LGALS12: variants seen among roughly 807,000 people sequenced by gnomAD.
LGALS12 encodes galectin-12.
A neutral mutation model predicts 36.8 loss-of-function variants in LGALS12; 36 were observed. That is an observed-to-expected ratio of 0.98 (90% CI 0.75 to 1.29). LGALS12 has a LOEUF of 1.29. Ranked by LOEUF, LGALS12 falls within the 50% of genes most tolerant of loss-of-function variation. The pLI is 0.00. For missense variants in LGALS12, 366 were observed against 394.3 expected (o/e 0.93, Z 0.61); for synonymous variants, 145 against 155.9 (o/e 0.93, Z 0.52).
At chr11:63,508,714 T>A in intron 2 of LGALS12, 64 bp from the exon 3 acceptor site, 1 of 1,613,606 alleles carries the variant, frequency 6.2e-7, no homozygotes, top group Non-Finnish European at 8.5e-7. Context: ...GGCTCCTCCC[T>A]GCCACTGAGA....
chr11:63,508,622 G>A lies in LGALS12; in HGVS notation c.139G>A (p.Val47Ile), dbSNP rs2016815761. The A allele has an allele frequency of 3.7e-6, 6 of 1,614,130 alleles. No individual in the cohort carries two copies. Among genetic ancestry groups the A allele is most frequent in the Non-Finnish European group, 1.7e-6 (2 of 1,180,028 alleles). Residue 47 changes from valine (V) to isoleucine (I), a missense_variant, in exon 2 of 9, where the codon GTC becomes ATC. By Grantham distance (29) the Val-to-Ile change is conservative. Transcript: ENST00000394618. ...AGKMVMLQGV[V>I]PLDAHRFQVD... Reference sequence around the variant, plus strand: ...CAAGATGGTCATGCTGCAAGGAGTGGTCCCTCTAGATGCACACAGGTAAGG... The same window carrying A: ...CAAGATGGTCATGCTGCAAGGAGTGATCCCTCTAGATGCACACAGGTAAGG...
intron 1 of LGALS12, among the ~76,000 whole-genome samples, chr11:63,506,796 G>A (rs2016755497): frequency 6.6e-6 from 1 of 152,160 alleles, no homozygotes; most frequent in African/African-American, 2.4e-5. Flanking sequence ...CTACTGTAAT[G>A]GATGCTAGGA....
intron 3 of LGALS12, 32 bp from the exon 4 acceptor site, chr11:63,509,746 G>A (rs772627920): frequency 6.2e-7 from 1 of 1,611,490 alleles, no homozygotes; most frequent in South Asian, 1.1e-5. Flanking sequence ...AACATTAGCT[G>A]CTGATAAGCC....
At chr11:63,514,314 G>T (rs1019232056) in intron 7 of LGALS12, among the ~76,000 whole-genome samples, 1 of 152,208 alleles carries the variant, frequency 6.6e-6, no homozygotes, top group African/African-American at 2.4e-5. Context: ...GCTCAAGCCT[G>T]TAATCCCAGC....
In LGALS12 at chr11:63,510,516, A is replaced by C; in HGVS notation, c.531+15A>C. 6.2e-7 allele frequency: 1 copy of C among 1,613,680 alleles called. No individual in the cohort carries two copies. Among genetic ancestry groups the C allele is most frequent in the Non-Finnish European group, 8.5e-7 (1 of 1,179,698 alleles). ...CAGCTGGACATGTGAGTTTCTTGGCAGCAAGGTCTGAGCAGCCACACCAGC... is the reference window on the plus strand; with the variant it reads ...CAGCTGGACATGTGAGTTTCTTGGCCGCAAGGTCTGAGCAGCCACACCAGC... On this transcript the variant is annotated intron_variant, in intron 5 of 8. Transcript: ENST00000394618.
chr11:63,506,593 A>G, intron 1 of LGALS12, 66 bp downstream of exon 1: 1 of 1,595,854 alleles, frequency 6.3e-7, no homozygotes, highest in South Asian at 1.1e-5. Context: ...CTGGGCCCAC[A>G]CTCCTGGGTG....
rs764826181 is a variant in LGALS12, at chr11:63,509,896, A to G, written c.491A>G (p.Asn164Ser). Reference sequence around the variant, plus strand: ...GAGGCTGTTGGATTCCTGAACATCAATGTAAGTTTCCTTGGGACCAAGGCC... The same window carrying G: ...GAGGCTGTTGGATTCCTGAACATCAGTGTAAGTTTCCTTGGGACCAAGGCC... The part of the protein sequence containing the change: ...LVEAVGFLNI[N>S]PFVEGSREYP... Residue 164 changes from asparagine (N) to serine (S), a missense_variant and splice_region_variant, in exon 4 of 9, where the codon AAT (asparagine) becomes AGT (serine). Physicochemically the swap from Asn to Ser is conservative, Grantham distance 46. Coordinates refer to ENST00000394618, the MANE Select transcript of LGALS12 (RefSeq NM_033101.4). The G allele has an allele frequency of 1.5e-5, 25 of 1,613,698 alleles. No homozygotes were observed. Among genetic ancestry groups the G allele is most frequent in the African/African-American group, 1.2e-4 (9 of 74,874 alleles).
intron 1 of LGALS12, among the ~76,000 whole-genome samples, chr11:63,506,914 A>G (rs1257260666): frequency 6.6e-6 from 1 of 152,100 alleles, no homozygotes; most frequent in East Asian, 1.9e-4. Context: ...CCACTCAGGG[A>G]TAGGGGTTGG....
intron 8 of LGALS12, 84 bp downstream of exon 8, chr11:63,515,797 G>A (rs939238006): frequency 3.1e-5 from 45 of 1,463,932 alleles, no homozygotes; most frequent in Middle Eastern, 3.5e-4. Flanking sequence ...TGCTGGGGCA[G>A]GTGTGCAGGA....
At chr11:63,512,830 G>A (rs1416666169) in intron 7 of LGALS12, among the ~76,000 whole-genome samples, 5 of 151,598 alleles carry the variant, frequency 3.3e-5, no homozygotes, top group Admixed American at 2.6e-4. Flanking sequence ...TAATAATGCC[G>A]ACTTTAGGGG....
At chr11:63,506,818 TG>T (rs1219241591) in intron 1 of LGALS12, among the ~76,000 whole-genome samples, 3 of 151,954 alleles carry the variant, frequency 2.0e-5, no homozygotes, top group East Asian at 1.9e-4. Context: ...GATGAGGGTG[TG>T]GGGGTAGGAT....
intron 3 of LGALS12, 95 bp downstream of exon 3, chr11:63,509,086 C>A: frequency 9.9e-7 from 1 of 1,010,822 alleles, no homozygotes; most frequent in Non-Finnish European, 1.5e-6. Context: ...TGTTGAGTGG[C>A]ATTGGTAGTG....
intron 7 of LGALS12, among the ~76,000 whole-genome samples, chr11:63,512,392 T>A (rs1158192512): frequency 6.6e-6 from 1 of 152,106 alleles, no homozygotes; most frequent in Non-Finnish European, 1.5e-5. Flanking sequence ...GTTTATGACT[T>A]CTCTGGGCCA....
At chr11:63,514,311 C>G (rs543729818) in intron 7 of LGALS12, among the ~76,000 whole-genome samples, 73 of 152,328 alleles carry the variant, frequency 4.8e-4, no homozygotes, top group African/African-American at 1.7e-3. Context: ...GTGGCTCAAG[C>G]CTGTAATCCC....
At position 63,509,642 on chromosome 11, in the gene LGALS12, T is replaced by C. The variant is rs938884412; in HGVS notation, c.373-136T>C. The stretch of plus-strand genomic sequence containing the variant: ...TTAAGCCGCCCAAGGCTCTGTAAAA[T>C]GTACCTACCTCATAGAGATGACGTG... On this transcript the variant is annotated intron_variant, in intron 3 of 8. Coordinates refer to ENST00000394618, the MANE Select transcript of LGALS12 (RefSeq NM_033101.4). 5.8e-6 allele frequency: 5 copies of C among 861,330 alleles called. No homozygotes were observed. The South Asian group carries it at 8.7e-5, about 15-fold the overall frequency. 53.4% of individuals were successfully genotyped at this position (861,330 alleles called of 1,614,324 possible).
At chr11:63,511,229 C>A (rs1362470263) in intron 6 of LGALS12, 124 bp downstream of exon 6, 8 of 816,140 alleles carry the variant, frequency 9.8e-6, no homozygotes, top group Non-Finnish European at 1.1e-5. Flanking sequence ...TAGAAAACTG[C>A]AGGCTGTGGG....
At chr11:63,508,694 C>CGA in intron 2 of LGALS12, 53 bp downstream of exon 2, 1 of 1,613,328 alleles carries the variant, frequency 6.2e-7, no homozygotes, top group South Asian at 1.1e-5. Context: ...CTAGAGGCAT[C>CGA]GAGCTGGAGG....
intron 4 of LGALS12, 103 bp from the exon 5 acceptor site, chr11:63,510,360 C>T: frequency 8.8e-7 from 1 of 1,131,440 alleles, no homozygotes; most frequent in Non-Finnish European, 1.3e-6. Context: ...CGAATGGGAA[C>T]ATGAGGAGCT....
chr11:63,511,183 G>A, intron 6 of LGALS12, 78 bp downstream of exon 6: 1 of 1,338,390 alleles, frequency 7.5e-7, no homozygotes. Context: ...AGCCTGGTAG[G>A]ACATGCCCCC....
Sources: gnomAD v4.1 joint callset for allele counts (sites outside exome capture counted in the v4.1 genomes callset) on GRCh38, gnomAD v4.1.1 for gene constraint, MANE v1.5 for transcripts, NCBI Gene and HGNC (gene_info 2026-07-23, HGNC 2026-07-21) for gene names.